Variants in VAT1L observed in about 807,000 individuals in gnomAD.
VAT1L encodes putative NADPH-dependent quinone oxidoreductase VAT1L.
VAT1L carries 34 observed loss-of-function variants against 44.1 expected under a neutral mutation model. The observed-to-expected ratio is 0.77, with a 90% confidence interval of 0.59 to 1.03. The LOEUF (loss-of-function observed/expected upper bound fraction) is 1.03. VAT1L is among the 50% of genes least tolerant of loss of function. The probability of loss-of-function intolerance (pLI) is 0.00; values close to 1 mark genes in which losing one functional copy is unlikely to be tolerated. For missense variants in VAT1L, 615 were observed against 538.8 expected (o/e 1.14, Z -1.40); for synonymous variants, 253 against 202.2 (o/e 1.25, Z -2.13).
chr16:77,824,389 T>G (rs2016493978), intron 2 of VAT1L, among the ~76,000 whole-genome samples: 1 of 152,196 alleles, frequency 6.6e-6, no homozygotes, highest in South Asian at 2.1e-4. Context: ...ATCAGTTGTA[T>G]TACTTGTGAA....
intron 1 of VAT1L, among the ~76,000 whole-genome samples, chr16:77,797,316 G>A (rs2015955413): frequency 6.6e-6 from 1 of 152,054 alleles, no homozygotes; most frequent in African/African-American, 2.4e-5. Context: ...TCACCATGTT[G>A]GCCAGGCTGG....
chr16:77,964,569 G>A (rs2018201149), intron 7 of VAT1L, among the ~76,000 whole-genome samples: 1 of 152,078 alleles, frequency 6.6e-6, no homozygotes, highest in Non-Finnish European at 1.5e-5. Context: ...CCCCATCTCA[G>A]ATTTTTAGCT....
intron 1 of VAT1L, among the ~76,000 whole-genome samples, chr16:77,799,850 G>C (rs891618808): frequency 6.6e-6 from 1 of 151,940 alleles, no homozygotes; most frequent in African/African-American, 2.4e-5. Flanking sequence ...TGGTAATCTT[G>C]GAAGTTCTAG....
chr16:77,939,605 T>C (rs73568619), intron 7 of VAT1L, among the ~76,000 whole-genome samples: 11,679 of 152,118 alleles, frequency 0.077, 824 homozygotes, highest in African/African-American at 0.17. Flanking sequence ...TTCTCTTGCT[T>C]CCTGGGTACA....
Position 77,978,478 on chromosome 16 carries a change from G to A in VAT1L, c.*783G>A, listed in dbSNP as rs2018365010. On this transcript the variant is annotated 3_prime_UTR_variant, in exon 9 of 9. Transcript: ENST00000302536. Reference sequence around the variant, plus strand: ...AATTTTAAGAAAGCACCACATACAAGACACATTCAGAAGTCATTCCTGAGC... The same window carrying A: ...AATTTTAAGAAAGCACCACATACAAAACACATTCAGAAGTCATTCCTGAGC... 1 of 152,208 alleles carries A rather than the reference G, an allele frequency of 6.6e-6. No homozygotes were observed. Among genetic ancestry groups the A allele is most frequent in the Non-Finnish European group, 1.5e-5 (1 of 68,046 alleles). 9.4% of individuals were successfully genotyped at this position (152,208 alleles called of 1,614,324 possible).
chr16:77,921,427 G>A (rs2017610759), intron 7 of VAT1L, among the ~76,000 whole-genome samples: 1 of 152,180 alleles, frequency 6.6e-6, no homozygotes, highest in South Asian at 2.1e-4. Flanking sequence ...ACCCATGGAA[G>A]AAATACATCC....
At chr16:77,893,022 C>T (rs572727025) in intron 7 of VAT1L, 155 of 575,968 alleles carry the variant, frequency 2.7e-4, no homozygotes, top group African/African-American at 1.5e-3. Flanking sequence ...TTTGTGCGCT[C>T]GCTGCAGTTC....
chr16:77,960,680 G>T (rs1410632298), intron 7 of VAT1L, among the ~76,000 whole-genome samples: 3 of 152,152 alleles, frequency 2.0e-5, no homozygotes, highest in Non-Finnish European at 2.9e-5. Context: ...TATAGTCCAT[G>T]GGGGAATGAA....
chr16:77,949,368 G>A (rs1052798369), intron 7 of VAT1L, among the ~76,000 whole-genome samples: 1 of 152,116 alleles, frequency 6.6e-6, no homozygotes, highest in African/African-American at 2.4e-5. Context: ...CATGATCTCT[G>A]GGGTACTGAC....
At chr16:77,835,054 A>C (rs2016624350) in intron 3 of VAT1L, among the ~76,000 whole-genome samples, 1 of 152,036 alleles carries the variant, frequency 6.6e-6, no homozygotes, top group African/African-American at 2.4e-5. Context: ...TGTTTTTTTA[A>C]TTTCATTCCC....
chr16:77,810,719 C>T (rs1008586507), intron 1 of VAT1L, among the ~76,000 whole-genome samples: 1 of 152,040 alleles, frequency 6.6e-6, no homozygotes, highest in Non-Finnish European at 1.5e-5. Flanking sequence ...AAATTTGGCT[C>T]AGAGCTTCCT....
chr16:77,852,032 G>T (rs1184001641), intron 3 of VAT1L, among the ~76,000 whole-genome samples: 1 of 152,156 alleles, frequency 6.6e-6, no homozygotes, highest in Non-Finnish European at 1.5e-5. Flanking sequence ...GAGCTAGCTT[G>T]CTTTGGGTCT....
At chr16:77,889,641 C>T (rs1328763623) in intron 7 of VAT1L, among the ~76,000 whole-genome samples, 1 of 152,206 alleles carries the variant, frequency 6.6e-6, no homozygotes, top group African/African-American at 2.4e-5. Flanking sequence ...CTACAGTAGT[C>T]ATAGACAACG....
At chr16:77,886,476 T>A (rs1488657819) in intron 7 of VAT1L, among the ~76,000 whole-genome samples, 1 of 152,206 alleles carries the variant, frequency 6.6e-6, no homozygotes, top group Non-Finnish European at 1.5e-5. Flanking sequence ...AAGTGAGAAT[T>A]GAAATCCAAG....
intron 7 of VAT1L, among the ~76,000 whole-genome samples, chr16:77,887,584 G>A (rs1383170980): frequency 6.6e-6 from 1 of 152,164 alleles, no homozygotes; most frequent in Admixed American, 6.5e-5. Context: ...AGTGCTGGGG[G>A]AAATGGTGCT....
At chr16:77,864,544 T>C (rs1026495253) in intron 4 of VAT1L, among the ~76,000 whole-genome samples, 2 of 152,160 alleles carry the variant, frequency 1.3e-5, no homozygotes, top group Non-Finnish European at 2.9e-5. Context: ...AGGTAGAGGT[T>C]GCAGTGAGCT....
Position 77,855,183 on chromosome 16 carries a change from T to C in VAT1L, c.580-7565T>C, listed in dbSNP as rs538584435. Among the ~76,000 whole-genome samples, 383 of 151,970 alleles carry C rather than the reference T, an allele frequency of 2.5e-3. 1 individual carries two copies. Among genetic ancestry groups the C allele is most frequent in the Middle Eastern group, 0.02 (6 of 294 alleles). On this transcript the variant is annotated intron_variant, in intron 3 of 8. Transcript: ENST00000302536. Reference sequence around the variant, plus strand: ...GGTGAAACTCCGTCTCTACTAAAAATACAAAAATTAGCTGGGCATGGTGCC... The same window carrying C: ...GGTGAAACTCCGTCTCTACTAAAAACACAAAAATTAGCTGGGCATGGTGCC...
chr16:77,862,440 C>T (rs1231353586), intron 3 of VAT1L, among the ~76,000 whole-genome samples: 1 of 151,864 alleles, frequency 6.6e-6, no homozygotes, highest in Non-Finnish European at 1.5e-5. Flanking sequence ...CACGGTGAAA[C>T]CCCATCTCTA....
chr16:77,848,069 G>A (rs868339907), intron 3 of VAT1L, among the ~76,000 whole-genome samples: 2 of 152,156 alleles, frequency 1.3e-5, no homozygotes, highest in East Asian at 1.9e-4. Context: ...GTGCAGGAAC[G>A]TTGTGGAAAT....
Sources: gnomAD v4.1 joint callset for allele counts (sites outside exome capture counted in the v4.1 genomes callset) on GRCh38, gnomAD v4.1.1 for gene constraint, MANE v1.5 for transcripts, NCBI Gene and HGNC (gene_info 2026-07-23, HGNC 2026-07-21) for gene names.